Variants in GKAP1 observed in about 807,000 individuals in gnomAD.
The protein encoded by GKAP1 is G kinase-anchoring protein 1.
Under a neutral mutation model 56.7 loss-of-function variants are expected in GKAP1, and 31 were observed. The observed-to-expected ratio is 0.55, with a 90% CI of 0.41 to 0.74. The LOEUF is 0.74. Ranked by LOEUF, GKAP1 falls within the 30% of genes least tolerant of loss-of-function variation. GKAP1 has a pLI of 0.00. For missense variants in GKAP1, 364 were observed against 402.3 expected (o/e 0.90, Z 0.82); for synonymous variants, 151 against 138.6 (o/e 1.09, Z -0.63).
chr9:83,805,828 A>C (rs1329152425), intron 3 of GKAP1, among the ~76,000 whole-genome samples: 1 of 152,206 alleles, frequency 6.6e-6, no homozygotes, highest in Non-Finnish European at 1.5e-5. Flanking sequence ...TACTTTAAAA[A>C]TGTTCAGGCA....
chr9:83,744,029 A>C (rs575959269), intron 10 of GKAP1, among the ~76,000 whole-genome samples: 1 of 152,300 alleles, frequency 6.6e-6, no homozygotes, highest in Admixed American at 6.5e-5. Flanking sequence ...CCAATGTAAG[A>C]TTGTAGTTCA....
intron 4 of GKAP1, chr9:83,793,046 T>G (rs1374534315): frequency 8.5e-7 from 1 of 1,181,706 alleles, no homozygotes; most frequent in South Asian, 1.3e-5. Flanking sequence ...TTCTTCTATT[T>G]AAGCAAACCT....
intron 3 of GKAP1, among the ~76,000 whole-genome samples, chr9:83,805,661 A>G (rs1944427216): frequency 6.6e-6 from 1 of 152,154 alleles, no homozygotes; most frequent in Non-Finnish European, 1.5e-5. Flanking sequence ...ATACATGTAT[A>G]TATTCATATA....
intron 2 of GKAP1, among the ~76,000 whole-genome samples, chr9:83,813,498 G>T (rs1327708495): frequency 6.6e-6 from 1 of 152,200 alleles, no homozygotes; most frequent in East Asian, 1.9e-4. Flanking sequence ...GTGCACACCT[G>T]TAATTTCAGC....
At chr9:83,805,037 G>C (rs568628153) in intron 3 of GKAP1, among the ~76,000 whole-genome samples, 1 of 152,360 alleles carries the variant, frequency 6.6e-6, no homozygotes, top group African/African-American at 2.4e-5. Flanking sequence ...GGGGGGAAAG[G>C]TGGGGAAAAG....
chr9:83,746,083 G>A (rs1310477058), intron 10 of GKAP1, among the ~76,000 whole-genome samples: 4 of 152,026 alleles, frequency 2.6e-5, no homozygotes, highest in Admixed American at 6.6e-5. Flanking sequence ...GAGCCACTGC[G>A]CCTGGCCTCC....
chr9:83,803,351 T>C lies in GKAP1; in HGVS notation c.216+2951A>G, dbSNP rs544742662. 2.6e-3 allele frequency among the ~76,000 whole-genome samples: 388 copies of C among 151,662 alleles called. 4 individuals carry two copies. The highest frequency in any genetic ancestry group is 9.0e-3 in the African/African-American group (372 of 41,468). On this transcript the variant is annotated intron_variant, in intron 3 of 12. Transcript: ENST00000376371. Reference sequence around the variant, plus strand: ...CCATCTCGGCTCACTGCAACCTCCCTGCCTGATTCTCCTGCCTCAGCCTGC... The same window carrying C: ...CCATCTCGGCTCACTGCAACCTCCCCGCCTGATTCTCCTGCCTCAGCCTGC...
chr9:83,756,438 T>C (rs1303636583), intron 8 of GKAP1, among the ~76,000 whole-genome samples: 2 of 119,894 alleles, frequency 1.7e-5, no homozygotes, highest in Admixed American at 2.4e-4. Context: ...GCTACTGCAC[T>C]CCACCCTGGG....
chr9:83,774,179 C>T (rs1943811807), intron 7 of GKAP1, among the ~76,000 whole-genome samples: 1 of 151,962 alleles, frequency 6.6e-6, no homozygotes, highest in African/African-American at 2.4e-5. Context: ...TCTATACCTA[C>T]TTTACATTAA....
intron 10 of GKAP1, among the ~76,000 whole-genome samples, chr9:83,746,976 T>G (rs1943305818): frequency 6.6e-6 from 1 of 152,190 alleles, no homozygotes; most frequent in Non-Finnish European, 1.5e-5. Context: ...CAAGGTGAAT[T>G]TCACAATTTC....
Position 83,748,381 on chromosome 9 carries a change from C to T in GKAP1, c.841-9G>A. On this transcript the variant is annotated splice_polypyrimidine_tract_variant and intron_variant, in intron 9 of 12. Coordinates refer to ENST00000376371, the MANE Select transcript of GKAP1 (RefSeq NM_025211.4). ...ACTTCCTTATACTTTGCCTAATAGT[C>T]AAAGAAAAAAGATTTAGTTTTTTTA... The T allele has an allele frequency of 6.7e-7, 1 of 1,483,146 alleles. No individual in the cohort carries two copies. The highest frequency in any genetic ancestry group is 9.2e-7 in the Non-Finnish European group (1 of 1,090,214). The allele number at this position is 1,483,146 out of a possible 1,614,324, so 91.9% of individuals were successfully genotyped here. A position where few individuals can be genotyped will look rare whatever the true frequency, so the allele number is the denominator to read the frequency against.
intron 4 of GKAP1, among the ~76,000 whole-genome samples, chr9:83,798,601 C>A (rs1485056909): frequency 6.6e-6 from 1 of 152,162 alleles, no homozygotes; most frequent in Admixed American, 6.5e-5. Flanking sequence ...ACTGCAGCCT[C>A]GACCTCCTGA....
chr9:83,761,331 T>C (rs1489294788), intron 8 of GKAP1, among the ~76,000 whole-genome samples: 4 of 152,004 alleles, frequency 2.6e-5, no homozygotes, highest in South Asian at 2.1e-4. Context: ...CTAGAGAAAA[T>C]GGACAAATTC....
chr9:83,742,259 A>G (rs1453884036), intron 11 of GKAP1, among the ~76,000 whole-genome samples: 2 of 102,182 alleles, frequency 2.0e-5, no homozygotes, highest in African/African-American at 5.8e-5. Flanking sequence ...TCAAGCCCAG[A>G]TACAGGGTTA....
intron 2 of GKAP1, among the ~76,000 whole-genome samples, chr9:83,810,476 TTATCC>T (rs1397703376): frequency 3.3e-5 from 5 of 152,274 alleles, no homozygotes; most frequent in African/African-American, 1.2e-4. Context: ...TATGTTTTAC[TTATCC>T]TATACTATAA....
chr9:83,761,108 T>A, intron 8 of GKAP1, among the ~76,000 whole-genome samples: 1 of 143,430 alleles, frequency 7.0e-6, no homozygotes, highest in Admixed American at 6.8e-5. Flanking sequence ...TTTGAAAAAT[T>A]AAACTTGAAA....
intron 8 of GKAP1, among the ~76,000 whole-genome samples, chr9:83,766,852 A>T (rs1209037580): frequency 7.8e-6 from 1 of 128,430 alleles, no homozygotes; most frequent in East Asian, 2.4e-4. Context: ...CCTTTTAAAC[A>T]CCTGGTGGCT....
In GKAP1 at chr9:83,743,171, T is replaced by G. The variant is rs532115068; in HGVS notation, c.905-571A>C. Among the ~76,000 whole-genome samples, 6 of 151,034 alleles carry G rather than the reference T, an allele frequency of 4.0e-5. No homozygotes were observed. The South Asian group carries it at 1.3e-3, about 32-fold the overall frequency. On this transcript the variant is annotated intron_variant, in intron 10 of 12. Coordinates refer to ENST00000376371, the MANE Select transcript of GKAP1 (RefSeq NM_025211.4). The stretch of plus-strand genomic sequence containing the variant: ...GAGAGAGACTCTGTCAATAAAAAAA[T>G]ACATATTTTTTAATTGCACAAATAT...
intron 2 of GKAP1, among the ~76,000 whole-genome samples, chr9:83,811,948 T>C (rs1427288630): frequency 6.6e-6 from 1 of 151,532 alleles, no homozygotes; most frequent in Non-Finnish European, 1.5e-5. Flanking sequence ...GAAATCTACA[T>C]ACTATGTCAA....
Sources: allele counts gnomAD v4.1 joint callset (sites outside exome capture counted in the v4.1 genomes callset), GRCh38; gene constraint gnomAD v4.1.1; transcripts MANE v1.5; gene names NCBI Gene and HGNC (gene_info 2026-07-23, HGNC 2026-07-21).